CREB5: variants seen among roughly 807,000 people sequenced by gnomAD.
CREB5 encodes the protein cAMP responsive element binding protein 5.
CREB5 carries 19 observed loss-of-function variants against 57.1 expected under a neutral mutation model. That is an observed-to-expected ratio of 0.33 (90% CI 0.23 to 0.49). The LOEUF is 0.49. CREB5 is among the 20% of genes least tolerant of loss of function. CREB5 has a pLI of 0.99. For missense variants in CREB5, 579 were observed against 671.6 expected, an observed-to-expected ratio of 0.86 and a Z score of 1.52; for synonymous variants, 238 against 238.3, an observed-to-expected ratio of 1.00 and a Z score of 0.01.
intron 1 of CREB5, among the ~76,000 whole-genome samples, chr7:28,468,048 C>G (rs1463560529): frequency 6.6e-6 from 1 of 152,104 alleles, no homozygotes; most frequent in Non-Finnish European, 1.5e-5. Context: ...TGCGTGGGTA[C>G]AGTGTGAGTT....
chr7:28,824,061 C>G lies in CREB5; in HGVS notation c.*4782C>G, dbSNP rs951666055. 1 of 152,190 alleles carries G rather than the reference C, an allele frequency of 6.6e-6. No individual in the cohort carries two copies. The highest frequency in any genetic ancestry group is 1.5e-5 in the Non-Finnish European group (1 of 68,046). 9.4% of individuals were successfully genotyped at this position (152,190 alleles called of 1,614,324 possible). A position where few individuals can be genotyped will look rare whatever the true frequency, so the allele number is the denominator to read the frequency against. On this transcript the variant is annotated 3_prime_UTR_variant, in exon 11 of 11. Coordinates refer to ENST00000357727, the MANE Select transcript of CREB5 (RefSeq NM_182898.4). ...TCCTTTACAATACCCCCCACCCCTC[C>G]TCCAAGGCTCTGAGCGGCATCATTT... is the stretch of plus-strand genomic sequence containing the variant.
intron 7 of CREB5, among the ~76,000 whole-genome samples, chr7:28,797,597 T>G (rs1023415627): frequency 1.2e-4 from 18 of 152,208 alleles, no homozygotes; most frequent in Non-Finnish European, 2.4e-4. Flanking sequence ...TTATGAAAGT[T>G]TTAAAAGGAA....
chr7:28,610,919 G>GA (rs1797359416), intron 5 of CREB5, among the ~76,000 whole-genome samples: 1 of 151,920 alleles, frequency 6.6e-6, no homozygotes, highest in African/African-American at 2.4e-5. Context: ...GAGAGAGAGA[G>GA]GGAGTCGTTT....
chr7:28,712,989 C>T (rs1235313639), intron 5 of CREB5, among the ~76,000 whole-genome samples: 2 of 152,192 alleles, frequency 1.3e-5, no homozygotes, highest in East Asian at 3.9e-4. Flanking sequence ...AGTAGTTTGC[C>T]AAATTAGGCT....
At chr7:28,303,221 C>T (rs530660848) in intron 1 of CREB5, among the ~76,000 whole-genome samples, 15 of 151,908 alleles carry the variant, frequency 9.9e-5, no homozygotes, top group Admixed American at 3.9e-4. Flanking sequence ...AAGCAGACTA[C>T]GATGAACCTT....
intron 1 of CREB5, among the ~76,000 whole-genome samples, chr7:28,407,042 TTTC>T (rs1394670295): frequency 4.0e-5 from 6 of 151,210 alleles, no homozygotes; most frequent in Non-Finnish European, 8.8e-5. Flanking sequence ...AATTCTTTTT[TTTC>T]TTTTTTCCTT....
At chr7:28,430,934 T>C (rs1435937897) in intron 1 of CREB5, among the ~76,000 whole-genome samples, 1 of 152,112 alleles carries the variant, frequency 6.6e-6, no homozygotes, top group Non-Finnish European at 1.5e-5. Context: ...CAGACTCACC[T>C]GGTATTGCAG....
intron 5 of CREB5, among the ~76,000 whole-genome samples, chr7:28,625,120 T>G (rs1381137806): frequency 6.6e-6 from 1 of 152,066 alleles, no homozygotes; most frequent in African/African-American, 2.4e-5. Context: ...TTAACCCCGT[T>G]CTACAGATGA....
chr7:28,557,361 G>A (rs964833405), intron 4 of CREB5, among the ~76,000 whole-genome samples: 2 of 152,218 alleles, frequency 1.3e-5, no homozygotes, highest in African/African-American at 2.4e-5. Flanking sequence ...GATTATATAC[G>A]AAAATGAATT....
intron 1 of CREB5, among the ~76,000 whole-genome samples, chr7:28,485,252 C>T (rs1427491962): frequency 2.0e-5 from 3 of 152,102 alleles, no homozygotes; most frequent in African/African-American, 7.2e-5. Flanking sequence ...GTTGCTTGGA[C>T]ATGAATCTAA....
chr7:28,599,680 T>A (rs550192887), intron 5 of CREB5, among the ~76,000 whole-genome samples: 2 of 152,356 alleles, frequency 1.3e-5, no homozygotes, highest in African/African-American at 4.8e-5. Context: ...TTCTATCTGA[T>A]GAATGAGTAA....
At chr7:28,746,447 C>T (rs925945541) in intron 7 of CREB5, among the ~76,000 whole-genome samples, 1 of 152,144 alleles carries the variant, frequency 6.6e-6, no homozygotes, top group Non-Finnish European at 1.5e-5. Context: ...ACCGGGGAGC[C>T]CTTTAGGAAT....
chr7:28,722,086 G>A (rs1803062448), intron 6 of CREB5, among the ~76,000 whole-genome samples: 2 of 152,202 alleles, frequency 1.3e-5, no homozygotes, highest in African/African-American at 2.4e-5. Context: ...TCTATAAGAC[G>A]ACAGTCATGA....
intron 1 of CREB5, among the ~76,000 whole-genome samples, chr7:28,402,132 T>C (rs1446105391): frequency 3.3e-5 from 5 of 152,238 alleles, no homozygotes; most frequent in Admixed American, 6.5e-5. Context: ...TATCTCATTG[T>C]GGTTTTGATT....
At chr7:28,730,190 C>CT (rs982187411) in intron 7 of CREB5, among the ~76,000 whole-genome samples, 1 of 151,910 alleles carries the variant, frequency 6.6e-6, no homozygotes, top group African/African-American at 2.4e-5. Context: ...TTTTTTCTTT[C>CT]TTTTTTTGTT....
At chr7:28,738,617 G>A (rs1340496699) in intron 7 of CREB5, among the ~76,000 whole-genome samples, 1 of 152,224 alleles carries the variant, frequency 6.6e-6, no homozygotes, top group Non-Finnish European at 1.5e-5. Context: ...TTTTCTTAAA[G>A]GGCAAGTCTG....
intron 7 of CREB5, among the ~76,000 whole-genome samples, chr7:28,780,654 G>C (rs969463001): frequency 1.3e-5 from 2 of 152,120 alleles, no homozygotes; most frequent in African/African-American, 4.8e-5. Context: ...CCTGGGAGGT[G>C]GAGATTGCAG....
At chr7:28,730,574 G>A (rs1205045091) in intron 7 of CREB5, among the ~76,000 whole-genome samples, 1 of 152,162 alleles carries the variant, frequency 6.6e-6, no homozygotes, top group African/African-American at 2.4e-5. Flanking sequence ...TATGGTCTGG[G>A]ATGTGAACCC....
At chr7:28,475,635 C>T (rs1206540685) in intron 1 of CREB5, among the ~76,000 whole-genome samples, 1 of 151,724 alleles carries the variant, frequency 6.6e-6, no homozygotes, top group Non-Finnish European at 1.5e-5. Flanking sequence ...CTGTGTCAGT[C>T]TTATTTCCCA....
Sources: allele counts gnomAD v4.1 joint callset (sites outside exome capture counted in the v4.1 genomes callset), GRCh38; gene constraint gnomAD v4.1.1; transcripts MANE v1.5; gene names NCBI Gene and HGNC (gene_info 2026-07-23, HGNC 2026-07-21).